Variants in ROBO1 observed in about 807,000 individuals in gnomAD.
ROBO1 encodes the protein roundabout guidance receptor 1.
Under a neutral mutation model 195.9 loss-of-function variants are expected in ROBO1, and 149 were observed. The observed-to-expected ratio is 0.76, with a 90% CI of 0.67 to 0.87. The LOEUF is 0.87. Among genes scored for constraint, ROBO1 ranks in the 40% least tolerant of loss-of-function variants. The probability of loss-of-function intolerance (pLI) is 0.00; values close to 1 mark genes in which losing one functional copy is unlikely to be tolerated. For missense variants in ROBO1, 1,933 were observed against 2,068.3 expected, an observed-to-expected ratio of 0.93 and a Z score of 1.27; for synonymous variants, 816 against 733.2, an observed-to-expected ratio of 1.11 and a Z score of -1.82.
At chr3:79,742,074 G>C (rs1475525819) in intron 1 of ROBO1, among the ~76,000 whole-genome samples, 1 of 152,192 alleles carries the variant, frequency 6.6e-6, no homozygotes, top group Non-Finnish European at 1.5e-5. Flanking sequence ...TATTTAAAAG[G>C]GAAGCAGAGC....
intron 2 of ROBO1, among the ~76,000 whole-genome samples, chr3:79,288,596 G>A (rs2032036483): frequency 6.6e-6 from 1 of 152,140 alleles, no homozygotes; most frequent in Non-Finnish European, 1.5e-5. Context: ...TGAAATCAAG[G>A]AGGCCAGATG....
intron 4 of ROBO1, among the ~76,000 whole-genome samples, chr3:78,832,862 T>C (rs1377815775): frequency 2.0e-5 from 3 of 151,908 alleles, no homozygotes; most frequent in Non-Finnish European, 4.4e-5. Context: ...ACAACCCAAG[T>C]AGAAGCACAG....
At position 78,668,206 on chromosome 3, in the gene ROBO1, G is replaced by GT; in HGVS notation, c.1726dup (p.Thr576AsnfsTer30). On this transcript the variant is annotated frameshift_variant, in exon 13 of 31. Coordinates refer to ENST00000464233, the MANE Select transcript of ROBO1 (RefSeq NM_002941.4). LOFTEE classifies it high-confidence loss of function. ...ATTTGGTTGCCACGATAATGTGACT[G>GT]TATTTCTGCTGACATCTGTCACTTC... The GT allele has an allele frequency of 6.2e-7, 1 of 1,613,516 alleles. No individual in the cohort carries two copies. Among genetic ancestry groups the GT allele is most frequent in the Non-Finnish European group, 8.5e-7 (1 of 1,179,474 alleles).
intron 2 of ROBO1, among the ~76,000 whole-genome samples, chr3:79,402,560 T>C (rs1378371621): frequency 6.6e-6 from 1 of 151,940 alleles, no homozygotes; most frequent in African/African-American, 2.4e-5. Context: ...TGAACACATG[T>C]GCTCACTCTT....
chr3:79,589,308 G>T, intron 2 of ROBO1, among the ~76,000 whole-genome samples: 1 of 151,584 alleles, frequency 6.6e-6, no homozygotes, highest in Non-Finnish European at 1.5e-5. Flanking sequence ...AAGGAAATAG[G>T]TTTCTAACTT....
chr3:79,376,243 C>G (rs540309464), intron 2 of ROBO1, among the ~76,000 whole-genome samples: 1 of 152,280 alleles, frequency 6.6e-6, no homozygotes, highest in African/African-American at 2.4e-5. Flanking sequence ...TGACACTACT[C>G]ACATCTAGTT....
chr3:78,972,108 C>T (rs1228114272), intron 3 of ROBO1, among the ~76,000 whole-genome samples: 1 of 152,186 alleles, frequency 6.6e-6, no homozygotes, highest in Non-Finnish European at 1.5e-5. Context: ...AAACACATTC[C>T]TTATAAATAG....
intron 2 of ROBO1, among the ~76,000 whole-genome samples, chr3:79,173,324 G>A (rs762727992): frequency 4.6e-5 from 7 of 152,144 alleles, no homozygotes; most frequent in Non-Finnish European, 8.8e-5. Context: ...CTCAGCTTGC[G>A]GGGAGGTGTG....
chr3:79,751,638 TA>T (rs1704135138), intron 1 of ROBO1, among the ~76,000 whole-genome samples: 1 of 152,188 alleles, frequency 6.6e-6, no homozygotes, highest in Non-Finnish European at 1.5e-5. Context: ...TCTTTTTCAC[TA>T]AGAAGAAAGG....
chr3:78,921,828 C>T (rs1361158993), intron 4 of ROBO1, among the ~76,000 whole-genome samples: 3 of 150,760 alleles, frequency 2.0e-5, no homozygotes, highest in Non-Finnish European at 4.4e-5. Flanking sequence ...CTTGCTCTGT[C>T]CAGGCTGGAC....
intron 4 of ROBO1, among the ~76,000 whole-genome samples, chr3:78,761,426 A>G (rs902680392): frequency 3.9e-5 from 6 of 152,210 alleles, no homozygotes; most frequent in African/African-American, 1.2e-4. Flanking sequence ...AACAGTTGCA[A>G]CTTCTGGCTT....
chr3:79,475,295 T>C (rs1938493879), intron 2 of ROBO1, among the ~76,000 whole-genome samples: 1 of 152,010 alleles, frequency 6.6e-6, no homozygotes, highest in African/African-American at 2.4e-5. Context: ...ACGTACTTTA[T>C]CTCAAAATGA....
At chr3:79,271,034 G>A (rs1187904311) in intron 2 of ROBO1, among the ~76,000 whole-genome samples, 2 of 151,848 alleles carry the variant, frequency 1.3e-5, no homozygotes, top group African/African-American at 2.4e-5. Flanking sequence ...TAATGGAGCT[G>A]TAGATTCAGA....
chr3:79,530,713 T>C (rs1336182300), intron 2 of ROBO1, among the ~76,000 whole-genome samples: 1 of 151,318 alleles, frequency 6.6e-6, no homozygotes, highest in Non-Finnish European at 1.5e-5. Context: ...GCCTGCATGA[T>C]GTTTTTGAAT....
At chr3:79,342,989 G>A (rs115897189) in intron 2 of ROBO1, among the ~76,000 whole-genome samples, 95 of 152,004 alleles carry the variant, frequency 6.2e-4, no homozygotes, top group Non-Finnish European at 9.7e-4. Context: ...AAAATCATCC[G>A]GACTCCACCT....
intron 2 of ROBO1, among the ~76,000 whole-genome samples, chr3:79,372,291 C>CCGCCTCCCGGGTT (rs2036225617): frequency 6.6e-6 from 1 of 151,622 alleles, no homozygotes; most frequent in Admixed American, 6.6e-5. Context: ...ACTGCAACCT[C>CCGCCTCCCGGGTT]CGCCTCCCGG....
At chr3:79,237,185 A>G (rs2082422987) in intron 2 of ROBO1, among the ~76,000 whole-genome samples, 1 of 152,154 alleles carries the variant, frequency 6.6e-6, no homozygotes, top group African/African-American at 2.4e-5. Flanking sequence ...TGAAAGTGTA[A>G]TAAAAGTTCA....
chr3:79,672,884 C>G (rs959729812), intron 1 of ROBO1, among the ~76,000 whole-genome samples: 1 of 151,936 alleles, frequency 6.6e-6, no homozygotes, highest in African/African-American at 2.4e-5. Context: ...ATGTCATATT[C>G]AACAGCATGT....
At chr3:79,283,963 C>G (rs970552515) in intron 2 of ROBO1, among the ~76,000 whole-genome samples, 1 of 152,030 alleles carries the variant, frequency 6.6e-6, no homozygotes, top group Non-Finnish European at 1.5e-5. Context: ...TCCCAAAGTG[C>G]TGGGATTACA....
Sources: gnomAD v4.1 joint callset for allele counts (sites outside exome capture counted in the v4.1 genomes callset) on GRCh38, gnomAD v4.1.1 for gene constraint, MANE v1.5 for transcripts, NCBI Gene and HGNC (gene_info 2026-07-23, HGNC 2026-07-21) for gene names.